SGCD: variants seen among roughly 807,000 people sequenced by gnomAD.
The protein encoded by SGCD is delta-sarcoglycan.
Under a neutral mutation model 36.6 loss-of-function variants are expected in SGCD, and 18 were observed. That is an observed-to-expected ratio of 0.49 (90% CI 0.34 to 0.73). The LOEUF is 0.73. SGCD is among the 30% of genes least tolerant of loss of function. SGCD has a pLI of 0.01. For synonymous variants in SGCD, 133 were observed against 130.6 expected (o/e 1.02, Z -0.12); for missense variants, 387 against 346.7 (o/e 1.12, Z -0.92).
At chr5:155,965,424 C>T (rs1757883201) in intron 1 of SGCD, among the ~76,000 whole-genome samples, 1 of 152,096 alleles carries the variant, frequency 6.6e-6, no homozygotes, top group African/African-American at 2.4e-5. Flanking sequence ...GTCCTGCCTG[C>T]AGCCTTAAAA....
chr5:155,986,175 A>G (rs1011712906), intron 1 of SGCD, among the ~76,000 whole-genome samples: 3 of 152,154 alleles, frequency 2.0e-5, no homozygotes, highest in African/African-American at 7.2e-5. Flanking sequence ...TTTTATTGGT[A>G]ATTATGTTTA....
chr5:156,590,281 G>A (rs981330714), intron 5 of SGCD, among the ~76,000 whole-genome samples: 1 of 152,076 alleles, frequency 6.6e-6, no homozygotes, highest in East Asian at 1.9e-4. Flanking sequence ...TTCACTCCTG[G>A]GGAGGGAGCC....
At chr5:156,257,589 C>T (rs186633204) in intron 3 of SGCD, among the ~76,000 whole-genome samples, 83 of 152,256 alleles carry the variant, frequency 5.5e-4, no homozygotes, top group Admixed American at 1.6e-3. Context: ...TTGGGTCGGG[C>T]GCGGTGGCTC....
At chr5:156,204,479 C>T (rs1764225391) in intron 3 of SGCD, among the ~76,000 whole-genome samples, 1 of 145,414 alleles carries the variant, frequency 6.9e-6, no homozygotes, top group African/African-American at 2.7e-5. Flanking sequence ...CTCATACACA[C>T]ACACACACAC....
At chr5:155,958,155 C>T (rs530847220) in intron 1 of SGCD, among the ~76,000 whole-genome samples, 1 of 152,216 alleles carries the variant, frequency 6.6e-6, no homozygotes, top group Non-Finnish European at 1.5e-5. Context: ...CCCAGGATTG[C>T]TGTGAGGGTT....
At chr5:156,390,953 A>T (rs1040265778) in intron 3 of SGCD, among the ~76,000 whole-genome samples, 1 of 152,146 alleles carries the variant, frequency 6.6e-6, no homozygotes, top group Admixed American at 6.5e-5. Context: ...ATTTTAAAAT[A>T]AATTTAGTGT....
chr5:155,835,016 T>TTTA, the SGCD span, among the ~76,000 whole-genome samples: 6 of 131,330 alleles, frequency 4.6e-5, no homozygotes, highest in East Asian at 1.2e-3. Context: ...TTTTTTTTTT[T>TTTA]TTTTTTTTTG....
chr5:156,072,125 T>A (rs2127588226), intron 1 of SGCD, among the ~76,000 whole-genome samples: 1 of 152,070 alleles, frequency 6.6e-6, no homozygotes, highest in South Asian at 2.1e-4. Context: ...ATTTAGTCCA[T>A]TTACATTTAA....
chr5:155,869,648 T>C (rs1444368778), upstream of SGCD, among the ~76,000 whole-genome samples: 1 of 143,754 alleles, frequency 7.0e-6, no homozygotes, highest in African/African-American at 2.9e-5. Context: ...TGGCAGATTT[T>C]TTTTTTTTTT....
chr5:156,097,459 G>A (rs1356105356), intron 1 of SGCD, among the ~76,000 whole-genome samples: 1 of 152,016 alleles, frequency 6.6e-6, no homozygotes, highest in Non-Finnish European at 1.5e-5. Flanking sequence ...CTATTATTCA[G>A]TCCTCAAGTT....
intron 1 of SGCD, among the ~76,000 whole-genome samples, chr5:155,909,066 C>T (rs244954): frequency 0.44 from 66,796 of 151,808 alleles, 16,436 homozygotes; most frequent in Non-Finnish European, 0.57. Flanking sequence ...TAGCTTGAGG[C>T]TAATTATCTG....
intron 1 of SGCD, among the ~76,000 whole-genome samples, chr5:156,091,373 G>T (rs968066381): frequency 1.3e-5 from 2 of 152,226 alleles, no homozygotes; most frequent in Admixed American, 6.5e-5. Context: ...TGCAGTCAGT[G>T]TAAATGTTTA....
chr5:156,434,126 A>T (rs1753143117), intron 3 of SGCD, among the ~76,000 whole-genome samples: 1 of 152,242 alleles, frequency 6.6e-6, no homozygotes, highest in African/African-American at 2.4e-5. Flanking sequence ...GAAAGGCAGT[A>T]TGGAAGGTGT....
At chr5:156,109,512 T>C (rs1267357057) in intron 1 of SGCD, among the ~76,000 whole-genome samples, 1 of 152,194 alleles carries the variant, frequency 6.6e-6, no homozygotes, top group Non-Finnish European at 1.5e-5. Context: ...CTCATCCCAA[T>C]GTATTTTTCC....
intron 4 of SGCD, among the ~76,000 whole-genome samples, chr5:156,577,547 A>G (rs1018615441): frequency 6.6e-6 from 1 of 152,198 alleles, no homozygotes; most frequent in Admixed American, 6.5e-5. Flanking sequence ...CCTATCCATG[A>G]GCGTGGAATG....
intron 1 of SGCD, among the ~76,000 whole-genome samples, chr5:156,017,820 A>T: frequency 6.6e-6 from 1 of 152,096 alleles, no homozygotes; most frequent in African/African-American, 2.4e-5. Flanking sequence ...TATTACATTT[A>T]AAAAAGAACC....
the SGCD span, among the ~76,000 whole-genome samples, chr5:155,772,798 T>C: frequency 6.6e-6 from 1 of 152,214 alleles, no homozygotes. Flanking sequence ...GTTTTCCCCT[T>C]TTCCCCTGTC....
chr5:156,081,092 G>A (rs1760939007), intron 1 of SGCD, among the ~76,000 whole-genome samples: 1 of 152,186 alleles, frequency 6.6e-6, no homozygotes, highest in Non-Finnish European at 1.5e-5. Flanking sequence ...CATCTGTTTA[G>A]CTTCTGGTGA....
chr5:156,105,929 G>A (rs1029343019), intron 1 of SGCD, among the ~76,000 whole-genome samples: 3 of 151,584 alleles, frequency 2.0e-5, no homozygotes, highest in Non-Finnish European at 4.4e-5. Context: ...TGGCGAAGAT[G>A]GTGAAACCCC....
Sources: allele counts gnomAD v4.1 joint callset (sites outside exome capture counted in the v4.1 genomes callset), GRCh38; gene constraint gnomAD v4.1.1; transcripts MANE v1.5; gene names NCBI Gene and HGNC (gene_info 2026-07-23, HGNC 2026-07-21).